Variants in TFRC observed in about 807,000 individuals in gnomAD.
TFRC encodes the protein transferrin receptor, also known as transferrin receptor protein 1.
In TFRC, 35 loss-of-function variants were observed where a neutral mutation model predicts 85.8. The ratio of observed to expected loss-of-function variants is 0.41; its 90% CI spans 0.31 to 0.54. The LOEUF (loss-of-function observed/expected upper bound fraction) is 0.54. TFRC is among the 20% of genes least tolerant of loss of function. The probability of loss-of-function intolerance (pLI) is 0.31; values close to 1 mark genes in which losing one functional copy is unlikely to be tolerated. For missense variants in TFRC, 828 were observed against 921.5 expected (o/e 0.90, Z 1.31); for synonymous variants, 362 against 328.6 (o/e 1.10, Z -1.10).
chr3:196,055,997 CCTCT>C (rs933718720), intron 16 of TFRC, among the ~76,000 whole-genome samples: 20 of 125,640 alleles, frequency 1.6e-4, no homozygotes, highest in South Asian at 1.1e-3. Context: ...TGAGACGAGG[CCTCT>C]CTCTGTCACC....
chr3:196,055,237 G>A lies in TFRC; in HGVS notation c.1742C>T (p.Pro581Leu), dbSNP rs1716676495. 1 of 1,614,056 alleles carries A rather than the reference G, an allele frequency of 6.2e-7. No individual in the cohort carries two copies. The change falls in exon 17 of 19, where the codon CCT becomes CTT. Residue 581 changes from proline to leucine, a missense_variant. By Grantham distance (98) the Pro-to-Leu change is moderately conservative. Transcript: ENST00000360110. ...TGCTCGTGCCACTTTGTTCAACTCA[G>A]GAATCCTCTCAATCAGTTCCTTATA... is the stretch of plus-strand genomic sequence containing the variant. ...DTYKELIERI[P>L]ELNKVARAAA...
At chr3:196,056,594 G>A (rs903972731) in intron 16 of TFRC, among the ~76,000 whole-genome samples, 7 of 151,908 alleles carry the variant, frequency 4.6e-5, no homozygotes, top group African/African-American at 1.7e-4. Flanking sequence ...TAGAGATGGG[G>A]TTTAACCATG....
intron 4 of TFRC, 118 bp from the exon 5 acceptor site, chr3:196,072,270 G>A: frequency 1.5e-6 from 2 of 1,347,994 alleles, no homozygotes; most frequent in Non-Finnish European, 2.0e-6. Flanking sequence ...TCAGATAAAT[G>A]AACTGTGACC....
At chr3:196,054,139 T>C (rs1203897927) in intron 17 of TFRC, among the ~76,000 whole-genome samples, 4 of 151,788 alleles carry the variant, frequency 2.6e-5, no homozygotes, top group Admixed American at 6.6e-5. Flanking sequence ...TCGGGAGGCT[T>C]AGGCAGGAGA....
chr3:196,075,177 T>A lies in TFRC; in HGVS notation c.220A>T (p.Ile74Phe). Residue 74 changes from isoleucine (I) to phenylalanine (F), a missense_variant, in exon 3 of 19, where the codon ATC (isoleucine) becomes TTC (phenylalanine). Ile to Phe is a conservative substitution (Grantham distance 21, BLOSUM62 0). Transcript: ENST00000360110. ...TTCTCACCAATCAAGAAAAAGACGA[T>A]CACAGCAATAGTCCCATAGCAGATA... ...GSICYGTIAV[I>F]VFFLIGFMIG... is the part of the protein sequence containing the mutation. 1 of 1,613,044 alleles carries A rather than the reference T, an allele frequency of 6.2e-7. No individual in the cohort carries two copies. The highest frequency in any genetic ancestry group is 8.5e-7 in the Non-Finnish European group (1 of 1,179,408).
rs529540414 is a variant in TFRC, at chr3:196,049,970, T to C, written c.*1972A>G. On this transcript the variant is annotated 3_prime_UTR_variant, in exon 19 of 19. Coordinates refer to ENST00000360110, the MANE Select transcript of TFRC (RefSeq NM_001128148.3). ...AAACAGCTGATCATCACGTTTATAATGATGGTTCACTCACGGAGCTTCGAA... is the reference window on the plus strand; with the variant it reads ...AAACAGCTGATCATCACGTTTATAACGATGGTTCACTCACGGAGCTTCGAA... 2 of 231,362 alleles carry C rather than the reference T, an allele frequency of 8.6e-6. No individual in the cohort carries two copies. Among genetic ancestry groups the C allele is most frequent in the African/African-American group, 4.4e-5 (2 of 45,328 alleles). 14.3% of individuals were successfully genotyped at this position (231,362 alleles called of 1,614,324 possible).
rs1297335014 is a variant in TFRC, at chr3:196,070,628, C to T, written c.687+768G>A. Among the ~76,000 whole-genome samples, 3 of 151,596 alleles carry T rather than the reference C, an allele frequency of 2.0e-5. No individual in the cohort carries two copies. In the East Asian group the frequency reaches 5.8e-4, roughly 29 times the overall value. The stretch of plus-strand genomic sequence containing the variant: ...TCTGTGTTAATTTGACTATATTTGC[C>T]TAAATTTAAAAAGATCAAGGGCTGG... On this transcript the variant is annotated intron_variant, in intron 6 of 18. Transcript: ENST00000360110.
intron 2 of TFRC, among the ~76,000 whole-genome samples, chr3:196,075,591 T>C (rs1192981678): frequency 6.6e-6 from 1 of 150,854 alleles, no homozygotes. Context: ...TGAGACAAGG[T>C]CTCCCTCTCT....
intron 4 of TFRC, among the ~76,000 whole-genome samples, 160 bp from the exon 5 acceptor site, chr3:196,072,312 A>C (rs1190034761): frequency 6.6e-6 from 1 of 152,214 alleles, no homozygotes; most frequent in Non-Finnish European, 1.5e-5. Context: ...AATATCACAA[A>C]AGAAAAAAAA....
intron 11 of TFRC, among the ~76,000 whole-genome samples, chr3:196,063,644 A>G (rs914420562): frequency 6.6e-6 from 1 of 152,174 alleles, no homozygotes; most frequent in Admixed American, 6.5e-5. Flanking sequence ...AAAATAAACA[A>G]AAGAGGCAGG....
chr3:196,074,667 T>G (rs929117418), intron 3 of TFRC, among the ~76,000 whole-genome samples: 1 of 151,802 alleles, frequency 6.6e-6, no homozygotes, highest in Admixed American at 6.6e-5. Context: ...GATCACGAGG[T>G]CAGGAGTTAG....
intron 13 of TFRC, 160 bp from the exon 14 acceptor site, chr3:196,060,407 T>C: frequency 1.5e-6 from 1 of 647,624 alleles, no homozygotes; most frequent in Non-Finnish European, 2.7e-6. Context: ...GTAATTTTGG[T>C]ATCAAGCTCT....
chr3:196,070,774 A>AAATAATAATAATAATAATAATAAT (rs58386151), intron 6 of TFRC, among the ~76,000 whole-genome samples: 171 of 135,808 alleles, frequency 1.3e-3, no homozygotes, highest in Middle Eastern at 3.7e-3. Context: ...TGTCTCTACC[A>AAATAATAATAATAATAATAATAAT]AATAATAATA....
intron 10 of TFRC, 71 bp downstream of exon 10, chr3:196,065,372 A>C: frequency 1.1e-6 from 1 of 927,756 alleles, no homozygotes; most frequent in Non-Finnish European, 1.5e-6. Context: ...CTCCTTCTCT[A>C]GCCACATCCT....
At chr3:196,060,275 C>G (rs754918760) in intron 13 of TFRC, 28 bp from the exon 14 acceptor site, 1 of 1,595,792 alleles carries the variant, frequency 6.3e-7, no homozygotes, top group Non-Finnish European at 8.6e-7. Context: ...TATCATTGCC[C>G]CTTCTCCATT....
intron 11 of TFRC, chr3:196,063,548 A>T (rs1398322338): frequency 1.3e-5 from 2 of 152,162 alleles, no homozygotes; most frequent in African/African-American, 4.8e-5. Context: ...TTGCCCTAAG[A>T]CCCAAAGATT....
At chr3:196,075,072 T>TTACAAA in intron 3 of TFRC, 87 bp downstream of exon 3, 1 of 788,116 alleles carries the variant, frequency 1.3e-6, no homozygotes. Flanking sequence ...AAAAATAAGG[T>TTACAAA]ACAAAATAAC....
intron 6 of TFRC, among the ~76,000 whole-genome samples, chr3:196,070,013 T>C (rs1577242796): frequency 6.6e-6 from 1 of 152,322 alleles, no homozygotes; most frequent in African/African-American, 2.4e-5. Context: ...ATGATGTTCC[T>C]AAGCTCATAA....
Position 196,081,286 on chromosome 3 carries a change from A to C in TFRC, c.-24+757T>G, listed in dbSNP as rs372928966. On this transcript the variant is annotated intron_variant, in intron 1 of 18. Coordinates refer to ENST00000360110, the MANE Select transcript of TFRC (RefSeq NM_001128148.3). ...GTGAACACCTGCGGCGTTCAGTCGG[A>C]TTCTGCCTTGAGAAAACAGAATCCA... 6.2e-4 allele frequency among the ~76,000 whole-genome samples: 94 copies of C among 152,332 alleles called. 2 individuals carry two copies. In the South Asian group the frequency reaches 0.017, roughly 28 times the overall value.
Sources: allele counts gnomAD v4.1 joint callset (sites outside exome capture counted in the v4.1 genomes callset), GRCh38; gene constraint gnomAD v4.1.1; transcripts MANE v1.5; gene names NCBI Gene and HGNC (gene_info 2026-07-23, HGNC 2026-07-21).